The following TRIM5 variants were observed in gnomAD, a reference collection of about 807,000 sequenced individuals.
TRIM5 encodes the protein tripartite motif-containing protein 5.
Under a neutral mutation model 35.6 loss-of-function variants are expected in TRIM5, and 31 were observed. The ratio of observed to expected loss-of-function variants is 0.87; its 90% CI spans 0.65 to 1.18. TRIM5 has a LOEUF of 1.18. Ranked by LOEUF, TRIM5 falls within the 50% of genes most tolerant of loss-of-function variation. The pLI, the probability that TRIM5 is intolerant of heterozygous loss-of-function variation, is 0.00. For missense variants in TRIM5, 609 were observed against 591.6 expected (o/e 1.03, Z -0.31); for synonymous variants, 243 against 215.6 (o/e 1.13, Z -1.11).
At chr11:5,611,103 C>T in the TRIM5 span, 1 of 1,614,148 alleles carries the variant, frequency 6.2e-7, no homozygotes, top group South Asian at 1.1e-5. Flanking sequence ...ACAGCATAAC[C>T]ATGAATATAG....
the TRIM5 span, among the ~76,000 whole-genome samples, chr11:5,647,779 C>G: frequency 1.3e-5 from 2 of 152,132 alleles, no homozygotes; most frequent in Admixed American, 1.3e-4. Flanking sequence ...CCTTGGCCTC[C>G]CAAAGTGCTG....
chr11:5,679,779 C>G lies in TRIM5; in HGVS notation c.399G>C (p.Glu133Asp). Residue 133 changes from glutamate (E) to aspartate (D), a missense_variant, in exon 2 of 8, where the codon GAG becomes GAC. Transcript: ENST00000380034. The part of the protein sequence containing the change: ...HRGHHTFLTE[E>D]VAREYQVKLQ... ...CTCTTACTTGGTACTCCCGGGCAAC[C>G]TCCTCTGTGAGGAACGTGTGGTGAC... 1.3e-6 allele frequency: 2 copies of G among 1,596,420 alleles called. No individual in the cohort carries two copies. The highest frequency in any genetic ancestry group is 1.7e-6 in the Non-Finnish European group (2 of 1,168,828).
intron 4 of TRIM5, among the ~76,000 whole-genome samples, chr11:5,675,656 G>GC (rs1342825395): frequency 8.8e-6 from 1 of 113,440 alleles, no homozygotes; most frequent in Non-Finnish European, 2.1e-5. Flanking sequence ...TAGCTTTCTT[G>GC]CATTTCTTTT....
intron 6 of TRIM5, 78 bp from the exon 7 acceptor site, chr11:5,665,760 GAAAGAGTAGGTATGCCCTATGGT>G (rs1306287591): frequency 6.8e-7 from 1 of 1,473,580 alleles, no homozygotes; most frequent in Non-Finnish European, 8.9e-7. Flanking sequence ...CCAGATTAGG[GAAAGAGTAGGTATGCCCTATGGT>G]AGGGCAGTAA....
At position 5,665,697 on chromosome 11, in the gene TRIM5, A is replaced by G. The variant is rs1460940212; in HGVS notation, c.869-15T>C. The G allele has an allele frequency of 1.3e-6, 2 of 1,506,798 alleles. No homozygotes were observed. Among genetic ancestry groups the G allele is most frequent in the East Asian group, 2.3e-5 (1 of 42,962 alleles). The allele number at this position is 1,506,798 out of a possible 1,614,324, so 93.3% of individuals were successfully genotyped here. On this transcript the variant is annotated splice_polypyrimidine_tract_variant and intron_variant, in intron 6 of 7. Coordinates refer to ENST00000380034, the MANE Select transcript of TRIM5 (RefSeq NM_033034.3). ...ATCTGTCAGCTCTGAAATGATAAAA[A>G]TGCACAATATTGAATACAAACAAAG...
chr11:5,595,459 A>G, the TRIM5 span: 37 of 152,330 alleles, frequency 2.4e-4, no homozygotes, highest in African/African-American at 8.9e-4. Context: ...AATTTTAATG[A>G]TCGTTTGGCA....
At chr11:5,600,298 A>T in the TRIM5 span, among the ~76,000 whole-genome samples, 1 of 152,192 alleles carries the variant, frequency 6.6e-6, no homozygotes, top group South Asian at 2.1e-4. Context: ...TAATGTTGTT[A>T]TGTGGAATTA....
the TRIM5 span, chr11:5,645,867 G>GAAAAAAAAAA: frequency 2.4e-4 from 32 of 135,576 alleles, no homozygotes; most frequent in East Asian, 9.5e-4. Flanking sequence ...TAGTCTTCTG[G>GAAAAAAAAAA]AAAAAAAAAA....
At chr11:5,646,413 C>T in the TRIM5 span, among the ~76,000 whole-genome samples, 1 of 152,168 alleles carries the variant, frequency 6.6e-6, no homozygotes, top group Non-Finnish European at 1.5e-5. Flanking sequence ...AATATGACCA[C>T]ATCATCAGCA....
At chr11:5,683,458 G>T (rs554257400) in intron 1 of TRIM5, among the ~76,000 whole-genome samples, 1 of 152,016 alleles carries the variant, frequency 6.6e-6, no homozygotes, top group Non-Finnish European at 1.5e-5. Context: ...CTCAGGGTTT[G>T]TGAATGCACC....
the TRIM5 span, chr11:5,643,689 C>T: frequency 6.3e-7 from 1 of 1,596,052 alleles, no homozygotes; most frequent in Non-Finnish European, 8.5e-7. Flanking sequence ...TCCCATGACT[C>T]TATGCCCACC....
intron 4 of TRIM5, chr11:5,669,979 C>CA (rs1851452151): frequency 6.2e-6 from 1 of 161,044 alleles, no homozygotes; most frequent in African/African-American, 2.4e-5. Flanking sequence ...CATCTGAAAA[C>CA]AAAAAACAAA....
chr11:5,654,270 A>G, the TRIM5 span, among the ~76,000 whole-genome samples: 2 of 152,074 alleles, frequency 1.3e-5, no homozygotes, highest in African/African-American at 4.8e-5. Context: ...ACATCTGGTT[A>G]ATAGTCATTT....
the TRIM5 span, among the ~76,000 whole-genome samples, chr11:5,614,794 TAAC>T: frequency 5.3e-5 from 8 of 152,186 alleles, no homozygotes; most frequent in Non-Finnish European, 1.2e-4. Context: ...AGGACTGTCT[TAAC>T]ATTATTATTG....
the TRIM5 span, among the ~76,000 whole-genome samples, chr11:5,657,594 T>TAC: frequency 1.0e-5 from 1 of 99,832 alleles, no homozygotes; most frequent in Non-Finnish European, 1.8e-5. Context: ...TAATGCATTA[T>TAC]ATATAATATA....
downstream of TRIM5, among the ~76,000 whole-genome samples, chr11:5,659,218 GTT>G (rs1445933805): frequency 2.0e-5 from 3 of 152,008 alleles, no homozygotes; most frequent in African/African-American, 7.3e-5. Context: ...ACCCCTAGAG[GTT>G]GCTGTGGGGT....
At chr11:5,610,924 TCTC>T in the TRIM5 span, 20 of 1,614,164 alleles carry the variant, frequency 1.2e-5, no homozygotes, top group African/African-American at 2.0e-4. Context: ...TCCCAGCACT[TCTC>T]CTCTGGTAAG....
chr11:5,664,454 G>C lies in TRIM5; in HGVS notation c.*355C>G. On this transcript the variant is annotated 3_prime_UTR_variant, in exon 8 of 8. Coordinates refer to ENST00000380034, the MANE Select transcript of TRIM5 (RefSeq NM_033034.3). ...TGAACAATTATCACACGATGATATA[G>C]AAAGGCTGTTGAAAAGCTTTTCTTC... is the stretch of plus-strand genomic sequence containing the variant. 2 of 1,027,722 alleles carry C rather than the reference G, an allele frequency of 1.9e-6. No individual in the cohort carries two copies. Among genetic ancestry groups the C allele is most frequent in the South Asian group, 4.0e-5 (1 of 25,252 alleles). 63.7% of individuals were successfully genotyped at this position (1,027,722 alleles called of 1,614,324 possible).
At chr11:5,661,240 CAA>C (rs1358247858), downstream of TRIM5, among the ~76,000 whole-genome samples, 3 of 151,744 alleles carry the variant, frequency 2.0e-5, no homozygotes, top group Admixed American at 6.6e-5. Flanking sequence ...AGAAAAAAAC[CAA>C]AGAGATCTCT....
Sources: allele counts gnomAD v4.1 joint callset (sites outside exome capture counted in the v4.1 genomes callset), GRCh38; gene constraint gnomAD v4.1.1; transcripts MANE v1.5; gene names NCBI Gene and HGNC (gene_info 2026-07-23, HGNC 2026-07-21).